The following USP6 variants were observed in gnomAD, a reference collection of about 807,000 sequenced individuals.
USP6 encodes the protein ubiquitin specific peptidase 6.
USP6 carries 128 observed loss-of-function variants against 175.7 expected under a neutral mutation model. The observed-to-expected ratio is 0.73, with a 90% CI of 0.63 to 0.84. USP6 has a LOEUF of 0.84. Among genes scored for constraint, USP6 ranks in the 40% least tolerant of loss-of-function variants. The pLI is 0.00. For synonymous variants in USP6, 562 were observed against 630.6 expected (o/e 0.89, Z 1.63); for missense variants, 1,498 against 1,760.3 (o/e 0.85, Z 2.67).
At chr17:5,134,249 A>C (rs1414109102) in intron 15 of USP6, 2 of 498,476 alleles carry the variant, frequency 4.0e-6, no homozygotes, top group African/African-American at 1.9e-5. Context: ...AATCACACGC[A>C]ATGGTGAAAG....
rs113360523 is a variant in USP6 at position 5,144,697 on chromosome 17, T to C, written c.1826T>C (p.Ile609Thr). 179 of 1,613,604 alleles carry C rather than the reference T, an allele frequency of 1.1e-4. No homozygotes were observed. The African/African-American group carries it at 1.9e-3, about 17-fold the overall frequency. The change falls in exon 26 of 38, where the codon ATA (isoleucine) becomes ACA (threonine). Residue 609 changes from isoleucine (I) to threonine (T), a missense_variant. By Grantham distance (89) the Ile-to-Thr change is moderately conservative (BLOSUM62 -1). Transcript: ENST00000574788. ...CTTCTCTTATATTTATAGCGGACCA[T>C]AGCAAAATATGCTCCCAAGTTTGAT... ...SVAPLKLRRT[I>T]AKYAPKFDGF...
chr17:5,171,102 A>G (rs1445206871), intron 36 of USP6, among the ~76,000 whole-genome samples, 187 bp downstream of exon 36: 1 of 152,142 alleles, frequency 6.6e-6, no homozygotes, highest in Admixed American at 6.5e-5. Flanking sequence ...TAATCCCAGC[A>G]CTTTAGAAGG....
At chr17:5,136,567 C>G in intron 17 of USP6, 73 bp from the exon 18 acceptor site, 2 of 1,570,504 alleles carry the variant, frequency 1.3e-6, no homozygotes, top group Non-Finnish European at 8.7e-7. Flanking sequence ...CTGCAGCTGC[C>G]CAGCTCTTTC....
At chr17:5,147,862 C>G (rs1307466227) in intron 29 of USP6, among the ~76,000 whole-genome samples, 1 of 152,120 alleles carries the variant, frequency 6.6e-6, no homozygotes, top group African/African-American at 2.4e-5. Flanking sequence ...GAGAATAATG[C>G]ATTTTTAATT....
At chr17:5,152,241 C>CAAA (rs61685863) in intron 30 of USP6, among the ~76,000 whole-genome samples, 3 of 90,150 alleles carry the variant, frequency 3.3e-5, no homozygotes, top group African/African-American at 1.2e-4. Flanking sequence ...GACTCCGTCT[C>CAAA]AAAAAAAAAA....
At position 5,130,442 on chromosome 17, in the gene USP6, A is replaced by T. The variant is rs781529010; in HGVS notation, c.72+3A>T. 8 of 1,614,110 alleles carry T rather than the reference A, an allele frequency of 5.0e-6. No homozygotes were observed. Among genetic ancestry groups the T allele is most frequent in the Non-Finnish European group, 5.9e-6 (7 of 1,179,994 alleles). ...ACATACTTATGAAGTATGACAAGGTACAGTTCGGTCTGCTCCTTGGAGGGA... is the reference window on the plus strand; with the variant it reads ...ACATACTTATGAAGTATGACAAGGTTCAGTTCGGTCTGCTCCTTGGAGGGA... On this transcript the variant is annotated splice_donor_region_variant and intron_variant, in intron 10 of 37. Coordinates refer to ENST00000574788, the MANE Select transcript of USP6 (RefSeq NM_001304284.2).
Position 5,121,455 on chromosome 17 carries a change from T to G in USP6, c.-1594T>G, listed in dbSNP as rs981291564. The G allele has an allele frequency of 1.1e-5, 3 of 281,388 alleles. No homozygotes were observed. The highest frequency in any genetic ancestry group is 6.6e-5 in the African/African-American group (3 of 45,286). The allele number at this position is 281,388 out of a possible 1,614,324, so 17.4% of individuals were successfully genotyped here. A position where few individuals can be genotyped will look rare whatever the true frequency, so the allele number is the denominator to read the frequency against. Reference sequence around the variant, plus strand: ...GGATAGAGATATGGAGCTCTACATCTCTGTGCAGAACCTGAGCCATCCCAG... The same window carrying G: ...GGATAGAGATATGGAGCTCTACATCGCTGTGCAGAACCTGAGCCATCCCAG... On this transcript the variant is annotated 5_prime_UTR_variant, in exon 4 of 38. Coordinates refer to ENST00000574788, the MANE Select transcript of USP6 (RefSeq NM_001304284.2).
chr17:5,131,421 C>T (rs2073063102), intron 11 of USP6, among the ~76,000 whole-genome samples: 1 of 150,906 alleles, frequency 6.6e-6, no homozygotes, highest in Admixed American at 6.6e-5. Context: ...AGGCGTGCCA[C>T]TTCTGAAACA....
intron 15 of USP6, chr17:5,134,858 A>T (rs1015224367): frequency 3.0e-6 from 1 of 333,624 alleles, no homozygotes; most frequent in South Asian, 2.5e-5. Context: ...CTGGGTGCAT[A>T]GGGGAAACCC....
In USP6 at chr17:5,145,515, T is replaced by G. The variant is rs2073580932; in HGVS notation, c.2103T>G (p.Phe701Leu). 6.2e-7 allele frequency: 1 copy of G among 1,612,376 alleles called. No individual in the cohort carries two copies. Among genetic ancestry groups the G allele is most frequent in the East Asian group, 2.2e-5 (1 of 44,778 alleles). The change falls in exon 27 of 38, where the codon TTT (phenylalanine) becomes TTG (leucine). Residue 701 changes from phenylalanine to leucine, a missense_variant. Around this residue, in one of 2 missense-constraint regions of USP6, gnomAD observed 1,217 missense variants for 1,500.8 expected, o/e 0.81. Coordinates refer to ENST00000574788, the MANE Select transcript of USP6 (RefSeq NM_001304284.2). ...CKTCGHISVR[F>L]DPFNFLSLPL... is the part of the protein sequence containing the mutation. ...CATGTGGGCATATAAGTGTCCGATT[T>G]GACCCTTTCAATTTTTTGTCTTTGC...
Position 5,147,186 on chromosome 17 carries a change from C to G in USP6, c.2423C>G (p.Thr808Arg). The change falls in exon 29 of 38, where the codon ACA becomes AGA. Residue 808 changes from threonine to arginine, a missense_variant. Thr to Arg is a moderately conservative substitution (Grantham distance 71). Coordinates refer to ENST00000574788, the MANE Select transcript of USP6 (RefSeq NM_001304284.2). ...TCTCCAATTTCAGCTTCTAGTCCAA[C>G]ACAAATAGGTAAGATAGAACTAGAA... ...PSSPISASSP[T>R]QIDFSSSPST... The G allele has an allele frequency of 6.2e-7, 1 of 1,612,256 alleles. No individual in the cohort carries two copies. The highest frequency in any genetic ancestry group is 8.5e-7 in the Non-Finnish European group (1 of 1,178,782).
At chr17:5,134,152 C>T (rs1175221390) in intron 15 of USP6, 156 bp downstream of exon 15, 3 of 760,266 alleles carry the variant, frequency 3.9e-6, no homozygotes, top group Admixed American at 2.4e-5. Context: ...GAACCGAGCA[C>T]CTCCCTGGTT....
intron 33 of USP6, among the ~76,000 whole-genome samples, chr17:5,165,360 T>A (rs2074076912): frequency 6.6e-6 from 1 of 152,150 alleles, no homozygotes; most frequent in Admixed American, 6.6e-5. Context: ...CTCAGATTCC[T>A]CAGTAGAAAA....
rs201373453 is a variant in USP6 at position 5,130,656 on chromosome 17, A to C, written c.127A>C (p.Ser43Arg). Residue 43 changes from serine to arginine, a missense_variant, in exon 11 of 38, where the codon AGC (serine) becomes CGC (arginine). Coordinates refer to ENST00000574788, the MANE Select transcript of USP6 (RefSeq NM_001304284.2). ...GGGGCCTGAGCCCGTTGGAATCAAC[A>C]GCAGCATTGATCGTTTTGGCATTTT... Reference protein sequence around the residue: ...DKGPEPVGINSSIDRFGILHE... With the variant: ...DKGPEPVGINRSIDRFGILHE... 4 of 1,614,004 alleles carry C rather than the reference A, an allele frequency of 2.5e-6. No individual in the cohort carries two copies. Among genetic ancestry groups the C allele is most frequent in the Non-Finnish European group, 2.5e-6 (3 of 1,179,860 alleles).
At chr17:5,147,051 T>C in intron 28 of USP6, 32 bp from the exon 29 acceptor site, 1 of 1,577,506 alleles carries the variant, frequency 6.3e-7, no homozygotes, top group Non-Finnish European at 8.7e-7. Context: ...CTGAAACATC[T>C]CCCCCTTCTC....
intron 32 of USP6, among the ~76,000 whole-genome samples, chr17:5,162,101 A>T (rs1421506627): frequency 1.3e-5 from 2 of 152,170 alleles, no homozygotes; most frequent in African/African-American, 4.8e-5. Flanking sequence ...TCCATACCAA[A>T]TTCATAACTT....
At position 5,137,267 on chromosome 17, in the gene USP6, T is replaced by C; in HGVS notation, c.825+81T>C. ...TGCTTCCCCAGCCCGGGGGTCTGGC[T>C]CACTCCCAGCCCACAGGAGGCTCAG... is the stretch of plus-strand genomic sequence containing the variant. On this transcript the variant is annotated intron_variant, in intron 19 of 37. Coordinates refer to ENST00000574788, the MANE Select transcript of USP6 (RefSeq NM_001304284.2). The C allele has an allele frequency of 2.6e-6, 4 of 1,552,438 alleles. No individual in the cohort carries two copies. In the South Asian group the frequency reaches 3.3e-5, roughly 13 times the overall value.
At chr17:5,164,786 T>G (rs1281762077) in intron 33 of USP6, among the ~76,000 whole-genome samples, 1 of 152,258 alleles carries the variant, frequency 6.6e-6, no homozygotes, top group Non-Finnish European at 1.5e-5. Context: ...AGAGATACTG[T>G]GGTTTAAATT....
At chr17:5,126,140 A>G (rs1312125913) in intron 6 of USP6, among the ~76,000 whole-genome samples, 2 of 152,168 alleles carry the variant, frequency 1.3e-5, no homozygotes, top group African/African-American at 2.4e-5. Flanking sequence ...TGTTTGCGCA[A>G]GTGCCTTCTC....
Sources: gnomAD v4.1 joint callset for allele counts (sites outside exome capture counted in the v4.1 genomes callset) on GRCh38, gnomAD v4.1.1 for gene constraint, gnomAD v4.1.1 regional missense constraint, MANE v1.5 for transcripts, NCBI Gene and HGNC (gene_info 2026-07-23, HGNC 2026-07-21) for gene names.